The following ASTN2 variants were observed in gnomAD, a reference collection of about 807,000 sequenced individuals.
ASTN2 encodes the protein astrotactin 2, also known as astrotactin-2.
A neutral mutation model predicts 139.8 loss-of-function variants in ASTN2; 54 were observed. That is an observed-to-expected ratio of 0.39 (90% CI 0.31 to 0.48). ASTN2 has a LOEUF of 0.48. Ranked by LOEUF, ASTN2 falls within the 20% of genes least tolerant of loss-of-function variation. ASTN2 has a pLI of 0.95. For missense variants in ASTN2, 1,565 were observed against 1,725.1 expected (o/e 0.91, Z 1.64); for synonymous variants, 756 against 719.5 (o/e 1.05, Z -0.81).
In ASTN2 at chr9:116,697,840, G is replaced by A. The variant is rs199863390; in HGVS notation, c.2806+27931C>T. ...GAGTCCTTCACAGAAGAGCAGCTGC[G>A]TCCCAAGCTTCTGCACTGTGGCCAT... On this transcript the variant is annotated intron_variant, in intron 16 of 22. Transcript: ENST00000313400. 3.1e-6 allele frequency: 5 copies of A among 1,614,152 alleles called. No individual in the cohort carries two copies. The highest frequency in any genetic ancestry group is 4.5e-5 in the East Asian group (2 of 44,868).
chr9:116,933,336 T>C (rs1834962653), intron 10 of ASTN2, among the ~76,000 whole-genome samples: 1 of 152,144 alleles, frequency 6.6e-6, no homozygotes, highest in Non-Finnish European at 1.5e-5. Flanking sequence ...CTCTGAGAAC[T>C]CTGGATGCTG....
intron 19 of ASTN2, chr9:116,613,304 T>C (rs376853766): frequency 1.3e-5 from 2 of 152,048 alleles, no homozygotes; most frequent in Non-Finnish European, 2.9e-5. Flanking sequence ...GGTACAAAGA[T>C]GAGCTGGTAC....
At chr9:116,564,334 G>A (rs4836757) in intron 19 of ASTN2, among the ~76,000 whole-genome samples, 86,902 of 152,092 alleles carry the variant, frequency 0.57, 25,275 homozygotes, top group African/African-American at 0.67. Flanking sequence ...ATGGATAAAT[G>A]ATGGCATGGC....
intron 13 of ASTN2, among the ~76,000 whole-genome samples, chr9:116,754,213 A>G (rs913120908): frequency 2.0e-5 from 3 of 151,986 alleles, no homozygotes; most frequent in Admixed American, 6.6e-5. Flanking sequence ...TCTATCATTG[A>G]TGGGCATTTG....
At chr9:116,922,508 C>T (rs976920005) in intron 10 of ASTN2, among the ~76,000 whole-genome samples, 11 of 152,184 alleles carry the variant, frequency 7.2e-5, no homozygotes, top group South Asian at 4.1e-4. Context: ...AATACTAAAA[C>T]CTAGTCACAA....
chr9:117,044,962 G>T (rs1342044244), intron 5 of ASTN2, among the ~76,000 whole-genome samples: 1 of 152,100 alleles, frequency 6.6e-6, no homozygotes, highest in East Asian at 1.9e-4. Flanking sequence ...ACCCAATTTT[G>T]TATGTTACAG....
intron 10 of ASTN2, among the ~76,000 whole-genome samples, chr9:116,896,916 C>G (rs1255398781): frequency 1.3e-5 from 2 of 152,128 alleles, no homozygotes; most frequent in Non-Finnish European, 2.9e-5. Flanking sequence ...GGACACAGAG[C>G]CAAACCATAT....
intron 19 of ASTN2, among the ~76,000 whole-genome samples, chr9:116,525,122 C>T (rs748255463): frequency 3.7e-4 from 56 of 152,224 alleles, no homozygotes; most frequent in African/African-American, 4.3e-4. Flanking sequence ...TTGTCTCAGA[C>T]GGAGATGAGG....
rs373757837 is a variant in ASTN2 at position 117,280,770 on chromosome 9, G to T, written c.630+10556C>A. Among the ~76,000 whole-genome samples the T allele has an allele frequency of 2.9e-4, 44 of 152,156 alleles. No individual in the cohort carries two copies. The South Asian group carries it at 8.1e-3, about 28-fold the overall frequency. On this transcript the variant is annotated intron_variant, in intron 2 of 22. Coordinates refer to ENST00000313400, the MANE Select transcript of ASTN2 (RefSeq NM_001365068.1). ...TAGGAAGCAAATACAAGTGGTATCG[G>T]CCAGATTTCTCCACTGTAAAGTCAC...
chr9:116,734,675 A>C (rs1828878175), intron 13 of ASTN2, among the ~76,000 whole-genome samples: 1 of 152,200 alleles, frequency 6.6e-6, no homozygotes, highest in South Asian at 2.1e-4. Flanking sequence ...AATCAGAAGC[A>C]CGAAAACAAA....
intron 20 of ASTN2, among the ~76,000 whole-genome samples, chr9:116,472,601 T>C (rs1848845873): frequency 6.6e-6 from 1 of 152,094 alleles, no homozygotes; most frequent in Non-Finnish European, 1.5e-5. Context: ...GCTAGATAGC[T>C]TGTGTTAGAA....
intron 13 of ASTN2, among the ~76,000 whole-genome samples, chr9:116,759,561 C>T (rs1829622584): frequency 6.6e-6 from 1 of 152,066 alleles, no homozygotes; most frequent in African/African-American, 2.4e-5. Flanking sequence ...ATAACATTCC[C>T]TCTGTCTGCT....
chr9:116,670,464 T>C (rs1203726918), intron 16 of ASTN2, among the ~76,000 whole-genome samples: 2 of 152,202 alleles, frequency 1.3e-5, no homozygotes, highest in South Asian at 2.1e-4. Context: ...CCTTATGTAT[T>C]GTATTTTTAA....
Position 116,425,939 on chromosome 9 carries a change from T to C in ASTN2, c.3932A>G (p.Tyr1311Cys), listed in dbSNP as rs758254999. ...EEVRPAGMVW[Y>C]SILKDTKITC... ...GATTTTGGTGTCCTTGAGGATGCTA[T>C]ACCACACCATGCCTGCAGGCCGGAC... is the stretch of plus-strand genomic sequence containing the variant. The change falls in exon 23 of 23, where the codon TAT becomes TGT. Residue 1311 changes from tyrosine to cysteine, a missense_variant. By Grantham distance (194) the Tyr-to-Cys change is radical. Coordinates refer to ENST00000313400, the MANE Select transcript of ASTN2 (RefSeq NM_001365068.1). The C allele has an allele frequency of 5.6e-6, 9 of 1,614,174 alleles. No homozygotes were observed. The highest frequency in any genetic ancestry group is 7.6e-6 in the Non-Finnish European group (9 of 1,180,034).
chr9:116,748,688 A>G (rs181673623), intron 13 of ASTN2, among the ~76,000 whole-genome samples: 9 of 152,312 alleles, frequency 5.9e-5, no homozygotes, highest in Non-Finnish European at 1.2e-4. Flanking sequence ...GATGAGTCCA[A>G]GGGTGAAGGC....
intron 1 of ASTN2, among the ~76,000 whole-genome samples, chr9:117,385,105 AG>A (rs952265755): frequency 6.6e-5 from 10 of 152,230 alleles, no homozygotes; most frequent in Non-Finnish European, 5.9e-5. Flanking sequence ...CAGGAAAAAA[AG>A]AATCATAACA....
chr9:117,051,189 T>A (rs1838902557), intron 5 of ASTN2, among the ~76,000 whole-genome samples: 1 of 151,702 alleles, frequency 6.6e-6, no homozygotes, highest in Non-Finnish European at 1.5e-5. Flanking sequence ...TCATTCAGCC[T>A]GCATTTGAGT....
intron 3 of ASTN2, among the ~76,000 whole-genome samples, chr9:117,171,100 T>G (rs1374463050): frequency 6.6e-6 from 1 of 151,864 alleles, no homozygotes; most frequent in Non-Finnish European, 1.5e-5. Flanking sequence ...GACTAACTTC[T>G]CAGGATGCTA....
intron 13 of ASTN2, among the ~76,000 whole-genome samples, chr9:116,796,077 C>CGTGGTTCTT (rs1830679893): frequency 1.3e-5 from 2 of 152,140 alleles, no homozygotes; most frequent in Admixed American, 1.3e-4. Context: ...ACCTGGCAGC[C>CGTGGTTCTT]CTCTATGGCA....
Sources: allele counts gnomAD v4.1 joint callset (sites outside exome capture counted in the v4.1 genomes callset), GRCh38; gene constraint gnomAD v4.1.1; transcripts MANE v1.5; gene names NCBI Gene and HGNC (gene_info 2026-07-23, HGNC 2026-07-21).